Variants in SERPINB11 observed in about 807,000 individuals in gnomAD.
The protein encoded by SERPINB11 is serpin family B member 11.
In SERPINB11, 32 loss-of-function variants were observed where a neutral mutation model predicts 36.7. The observed-to-expected ratio is 0.87, with a 90% CI of 0.66 to 1.17. The LOEUF is 1.17. Among genes scored for constraint, SERPINB11 ranks in the 50% most tolerant of loss-of-function variants. SERPINB11 has a pLI of 0.00. For synonymous variants in SERPINB11, 174 were observed against 168.1 expected, an observed-to-expected ratio of 1.04 and a Z score of -0.27; for missense variants, 528 against 458.4, an observed-to-expected ratio of 1.15 and a Z score of -1.39.
Position 63,720,029 on chromosome 18 carries a change from C to G in SERPINB11, c.492C>G (p.Leu164=). The change falls in exon 6 of 8, where the codon CTC becomes CTG. Residue 164 remains leucine, a synonymous_variant. Transcript: ENST00000544088. The stretch of plus-strand genomic sequence containing the variant: ...TTATACAAGGAAAAGTCGCAAATCT[C>G]TTTGGAAAGAGCACAATTGACCCTT... ...ENKTNGKVAN[L]FGKSTIDPSS... is the part of the protein sequence containing the mutation. The G allele has an allele frequency of 1.9e-6, 3 of 1,602,402 alleles. No homozygotes were observed. The highest frequency in any genetic ancestry group is 2.6e-6 in the Non-Finnish European group (3 of 1,176,068).
intron 5 of SERPINB11, among the ~76,000 whole-genome samples, chr18:63,716,624 T>G (rs912540520): frequency 1.7e-4 from 26 of 152,170 alleles, no homozygotes; most frequent in African/African-American, 6.0e-4. Flanking sequence ...TTTAAGATTA[T>G]ATTGCAGCAA....
rs895974017 is a variant in SERPINB11 at position 63,723,321 on chromosome 18, G to A, written c.1101G>A (p.Ala367=). The change falls in exon 8 of 8, where the codon GCG becomes GCA. Residue 367 remains alanine (A), a synonymous_variant. Coordinates refer to ENST00000544088, the MANE Select transcript of SERPINB11 (RefSeq NM_001370475.1). ...TACCAATGAGAGCTCAGTTCAAGGCGAACCACCCCTTCCTTTTCTTTATAA... is the reference window on the plus strand; with the variant it reads ...TACCAATGAGAGCTCAGTTCAAGGCAAACCACCCCTTCCTTTTCTTTATAA... ...KSLPMRAQFK[A]NHPFLFFIRH... 6.2e-6 allele frequency: 10 copies of A among 1,613,818 alleles called. No individual in the cohort carries two copies. Among genetic ancestry groups the A allele is most frequent in the Middle Eastern group, 1.7e-4 (1 of 6,060 alleles).
intron 6 of SERPINB11, chr18:63,720,445 G>A (rs7232943): frequency 0.32 from 117,975 of 373,972 alleles, 20,623 homozygotes; most frequent in East Asian, 0.55. Context: ...CTGTGGTTAT[G>A]TTCTCCAGCA....
chr18:63,717,356 G>A (rs757727532), intron 5 of SERPINB11, among the ~76,000 whole-genome samples: 1 of 151,842 alleles, frequency 6.6e-6, no homozygotes, highest in African/African-American at 2.4e-5. Context: ...CATATCCCTG[G>A]TACACATATG....
intron 1 of SERPINB11, among the ~76,000 whole-genome samples, chr18:63,709,889 T>A (rs1336848428): frequency 6.6e-6 from 1 of 152,202 alleles, no homozygotes; most frequent in Non-Finnish European, 1.5e-5. Context: ...CTTTTAATCT[T>A]TTGCTCCAGA....
At chr18:63,705,258 T>G (rs1349884851) in intron 1 of SERPINB11, 1 of 152,136 alleles carries the variant, frequency 6.6e-6, no homozygotes, top group Admixed American at 6.5e-5. Flanking sequence ...AATTTTTTTG[T>G]AGAGACGGGG....
chr18:63,723,356 A>C lies in SERPINB11; in HGVS notation c.1136A>C (p.His379Pro). ...TTCCTTTTCTTTATAAGGCACACTC[A>C]TACCAACACGATCCTATTCTGTGGC... is the stretch of plus-strand genomic sequence containing the variant. ...HPFLFFIRHT[H>P]TNTILFCGKL... Residue 379 changes from histidine to proline, a missense_variant, in exon 8 of 8, where the codon CAT becomes CCT. By Grantham distance (77) the His-to-Pro change is moderately conservative (BLOSUM62 -2). Coordinates refer to ENST00000544088, the MANE Select transcript of SERPINB11 (RefSeq NM_001370475.1). The C allele has an allele frequency of 6.2e-7, 1 of 1,613,654 alleles. No homozygotes were observed. Among genetic ancestry groups the C allele is most frequent in the Non-Finnish European group, 8.5e-7 (1 of 1,179,682 alleles).
intron 1 of SERPINB11, chr18:63,705,584 C>T (rs921669519): frequency 1.6e-4 from 25 of 152,214 alleles, no homozygotes; most frequent in African/African-American, 5.8e-4. Flanking sequence ...GTGATGACCT[C>T]AACCTTGTGT....
rs1385056138 is a variant in SERPINB11, at chr18:63,720,145, A to C, written c.608A>C (p.Gln203Pro). Residue 203 changes from glutamine (Q) to proline (P), a missense_variant, in exon 6 of 8, where the codon CAG becomes CCG. Transcript: ENST00000544088. Reference protein sequence around the residue: ...QVRETVKSPFQLSEGKNVTVE... With the variant: ...QVRETVKSPFPLSEGKNVTVE... ...AGAGAGACAGTTAAAAGTCCTTTTC[A>C]GCTAAGTGAGGTAAGTATTTTATTT... The C allele has an allele frequency of 6.2e-7, 1 of 1,604,918 alleles. No individual in the cohort carries two copies. The highest frequency in any genetic ancestry group is 1.3e-5 in the African/African-American group (1 of 74,292).
chr18:63,715,584 G>T (rs754866175), intron 4 of SERPINB11, among the ~76,000 whole-genome samples: 1 of 152,152 alleles, frequency 6.6e-6, no homozygotes, highest in African/African-American at 2.4e-5. Flanking sequence ...CAGCTTGTGA[G>T]GAGATTGATA....
intron 3 of SERPINB11, 78 bp from the exon 4 acceptor site, chr18:63,712,487 C>T: frequency 6.8e-7 from 1 of 1,465,960 alleles, no homozygotes; most frequent in African/African-American, 1.4e-5. Flanking sequence ...AAACACCTTG[C>T]TCTCTAGATA....
intron 3 of SERPINB11, among the ~76,000 whole-genome samples, 195 bp from the exon 4 acceptor site, chr18:63,712,370 C>T (rs932258622): frequency 6.6e-6 from 1 of 152,188 alleles, no homozygotes; most frequent in Non-Finnish European, 1.5e-5. Context: ...TGCACACAGA[C>T]TGCAACTAAA....
Position 63,723,784 on chromosome 18 carries a change from C to T in SERPINB11, c.*385C>T, listed in dbSNP as rs1398432896. 2 of 169,632 alleles carry T rather than the reference C, an allele frequency of 1.2e-5. No homozygotes were observed. Among genetic ancestry groups the T allele is most frequent in the East Asian group, 3.4e-4 (2 of 5,864 alleles). The allele number at this position is 169,632 out of a possible 1,614,324, so 10.5% of individuals were successfully genotyped here. On this transcript the variant is annotated 3_prime_UTR_variant, in exon 8 of 8. Transcript: ENST00000544088. ...AAGAAAACCAGCTGAAGGGCTTCAA[C>T]TTTGCTTGGATTTTTAAATATTTTC...
intron 1 of SERPINB11, among the ~76,000 whole-genome samples, chr18:63,706,189 G>T (rs1914368154): frequency 6.6e-6 from 1 of 152,082 alleles, no homozygotes; most frequent in African/African-American, 2.4e-5. Flanking sequence ...ATTATTTTAG[G>T]GCAACTGGTT....
chr18:63,704,383 C>T (rs998951314), intron 1 of SERPINB11, among the ~76,000 whole-genome samples: 4 of 152,112 alleles, frequency 2.6e-5, no homozygotes, highest in African/African-American at 7.2e-5. Flanking sequence ...AACATAGAAA[C>T]TCCATTGTGA....
rs771751899 is a variant in SERPINB11, at chr18:63,716,065, C to A, written c.388C>A (p.Gln130Lys). 6.2e-7 allele frequency: 1 copy of A among 1,611,166 alleles called. No homozygotes were observed. Among genetic ancestry groups the A allele is most frequent in the Non-Finnish European group, 8.5e-7 (1 of 1,178,126 alleles). Residue 130 changes from glutamine to lysine, a missense_variant, in exon 5 of 8, where the codon CAA becomes AAA. Gln to Lys is a moderately conservative substitution (Grantham distance 53). Coordinates refer to ENST00000544088, the MANE Select transcript of SERPINB11 (RefSeq NM_001370475.1). ...TTTAAGCTGTTCTGAGAAATGGTAT[C>A]AAGCCAGGTTGCAAACTGTGGATTT... ...QYLSCSEKWYQARLQTVDFEQ... is the reference protein window; with the variant it reads ...QYLSCSEKWYKARLQTVDFEQ...
intron 5 of SERPINB11, among the ~76,000 whole-genome samples, chr18:63,719,479 G>A (rs1278344786): frequency 6.6e-6 from 1 of 152,008 alleles, no homozygotes; most frequent in Non-Finnish European, 1.5e-5. Flanking sequence ...GTTTAATTTT[G>A]ATCAGTTTTA....
At chr18:63,719,864 C>T (rs1351387804) in intron 5 of SERPINB11, 149 bp from the exon 6 acceptor site, 2 of 562,548 alleles carry the variant, frequency 3.6e-6, no homozygotes, top group Non-Finnish European at 3.0e-6. Context: ...AAAGAAGGCT[C>T]CATGGCCAGG....
At chr18:63,707,271 G>T (rs1433513176) in intron 1 of SERPINB11, among the ~76,000 whole-genome samples, 1 of 152,152 alleles carries the variant, frequency 6.6e-6, no homozygotes, top group Non-Finnish European at 1.5e-5. Flanking sequence ...TGCTGTCTGG[G>T]GAGAGAGAAG....
Sources: gnomAD v4.1 joint callset for allele counts (sites outside exome capture counted in the v4.1 genomes callset) on GRCh38, gnomAD v4.1.1 for gene constraint, MANE v1.5 for transcripts, NCBI Gene and HGNC (gene_info 2026-07-23, HGNC 2026-07-21) for gene names.